MMP26: variants seen among roughly 807,000 people sequenced by gnomAD.
MMP26 encodes the protein matrix metalloproteinase-26.
In MMP26, 33 loss-of-function variants were observed where a neutral mutation model predicts 31.0. The observed-to-expected ratio is 1.06, with a 90% CI of 0.81 to 1.42. MMP26 has a LOEUF of 1.42. MMP26 is among the 40% of genes most tolerant of loss of function. The probability of loss-of-function intolerance (pLI) is 0.00; values close to 1 mark genes in which losing one functional copy is unlikely to be tolerated. For synonymous variants in MMP26, 122 were observed against 114.9 expected, an observed-to-expected ratio of 1.06 and a Z score of -0.40; for missense variants, 347 against 316.1, an observed-to-expected ratio of 1.10 and a Z score of -0.74.
intron 2 of MMP26, among the ~76,000 whole-genome samples, chr11:4,935,385 G>C (rs1237539188): frequency 6.6e-6 from 1 of 151,888 alleles, no homozygotes; most frequent in East Asian, 1.9e-4. Flanking sequence ...TTTGTCTGTT[G>C]TTGATGTATA....
At chr11:4,722,759 C>T in intron 1 of MMP26, 1 of 957,788 alleles carries the variant, frequency 1.0e-6, no homozygotes, top group Admixed American at 1.7e-5. Flanking sequence ...CGTCAGAGGA[C>T]TCGGACACCA....
chr11:4,944,209 G>A (rs548622288), intron 2 of MMP26: 7 of 409,974 alleles, frequency 1.7e-5, no homozygotes, highest in South Asian at 1.3e-4. Context: ...GGATAGGTTT[G>A]TGAAAACATA....
At chr11:4,855,869 A>T (rs532694596) in intron 2 of MMP26, among the ~76,000 whole-genome samples, 1 of 152,344 alleles carries the variant, frequency 6.6e-6, no homozygotes, top group East Asian at 1.9e-4. Context: ...TTAACAGTGG[A>T]TCTCTTGGCA....
chr11:4,774,294 T>C (rs1848763707), intron 2 of MMP26, among the ~76,000 whole-genome samples: 1 of 152,196 alleles, frequency 6.6e-6, no homozygotes, highest in Non-Finnish European at 1.5e-5. Flanking sequence ...AGCTTCTGTT[T>C]CTTGACTTTT....
intron 1 of MMP26, chr11:4,719,608 T>C (rs1847984419): frequency 6.6e-6 from 1 of 152,280 alleles, no homozygotes; most frequent in Non-Finnish European, 1.5e-5. Context: ...TATAGATGAG[T>C]AAAATGCCAT....
intron 2 of MMP26, among the ~76,000 whole-genome samples, chr11:4,970,340 G>T (rs755593650): frequency 7.9e-5 from 12 of 152,028 alleles, no homozygotes; most frequent in Non-Finnish European, 1.8e-4. Context: ...AGAAGCTGTG[G>T]GCTACCTTTT....
chr11:4,832,029 C>A (rs4373916), intron 2 of MMP26: 59,298 of 152,016 alleles, frequency 0.39, 12,940 homozygotes, highest in South Asian at 0.57. Context: ...TTAATTTAAC[C>A]AACAACTGAA....
At chr11:4,817,516 G>C (rs941463530) in intron 2 of MMP26, among the ~76,000 whole-genome samples, 4 of 152,078 alleles carry the variant, frequency 2.6e-5, no homozygotes, top group Admixed American at 2.0e-4. Context: ...GGGCCTGGGA[G>C]GTCAAGGCTG....
At chr11:4,847,604 G>A (rs12361548) in intron 2 of MMP26, 58,711 of 151,938 alleles carry the variant, frequency 0.39, 11,792 homozygotes, top group Middle Eastern at 0.44. Flanking sequence ...TTGTGTTGAG[G>A]ACATTCAATA....
At chr11:4,838,303 C>A (rs1849746918) in intron 2 of MMP26, among the ~76,000 whole-genome samples, 1 of 95,946 alleles carries the variant, frequency 1.0e-5, no homozygotes, top group African/African-American at 3.9e-5. Flanking sequence ...GGGCACAGGG[C>A]AAGACTCTGT....
chr11:4,809,814 G>A (rs527749795), intron 2 of MMP26, among the ~76,000 whole-genome samples: 3 of 152,162 alleles, frequency 2.0e-5, no homozygotes, highest in Non-Finnish European at 4.4e-5. Flanking sequence ...TTAGGCCATT[G>A]CATTGGCCTT....
At chr11:4,823,989 A>G (rs1212123106) in intron 2 of MMP26, among the ~76,000 whole-genome samples, 1 of 152,126 alleles carries the variant, frequency 6.6e-6, no homozygotes, top group Non-Finnish European at 1.5e-5. Context: ...TAGATAACCT[A>G]TATATAAGAG....
chr11:4,732,720 G>A (rs1347360918), intron 1 of MMP26, among the ~76,000 whole-genome samples: 1 of 151,980 alleles, frequency 6.6e-6, no homozygotes, highest in African/African-American at 2.4e-5. Flanking sequence ...ATACAATATT[G>A]GGCATTTGTG....
chr11:4,977,937 G>C (rs1326592189), intron 2 of MMP26, among the ~76,000 whole-genome samples: 2 of 151,482 alleles, frequency 1.3e-5, no homozygotes, highest in Non-Finnish European at 2.9e-5. Context: ...CTTAAATTGA[G>C]GTGTCCAGGT....
intron 2 of MMP26, among the ~76,000 whole-genome samples, chr11:4,953,524 T>G (rs1460926255): frequency 8.0e-6 from 1 of 125,008 alleles, no homozygotes; most frequent in Non-Finnish European, 1.8e-5. Context: ...AAGCTTGGGC[T>G]AGGTAATTTA....
intron 1 of MMP26, among the ~76,000 whole-genome samples, chr11:4,766,858 G>A (rs574170607): frequency 4.0e-5 from 6 of 151,424 alleles, no homozygotes; most frequent in East Asian, 1.9e-4. Flanking sequence ...CTGTGCTATC[G>A]GTTCGGAATA....
intron 2 of MMP26, among the ~76,000 whole-genome samples, chr11:4,800,227 T>C (rs1849163466): frequency 6.6e-6 from 1 of 152,232 alleles, no homozygotes; most frequent in South Asian, 2.1e-4. Flanking sequence ...GCCTAGGCAC[T>C]CAGGCTTTCC....
At chr11:4,916,906 A>G (rs377434720) in intron 2 of MMP26, among the ~76,000 whole-genome samples, 1 of 152,180 alleles carries the variant, frequency 6.6e-6, no homozygotes, top group African/African-American at 2.4e-5. Context: ...AGCCCACTGA[A>G]CACAGGGCAG....
intron 2 of MMP26, among the ~76,000 whole-genome samples, chr11:4,979,301 T>C (rs1010286343): frequency 6.6e-6 from 1 of 152,112 alleles, no homozygotes; most frequent in African/African-American, 2.4e-5. Flanking sequence ...AAACCAATGA[T>C]TGAATAAATC....
Sources: gnomAD v4.1 joint callset for allele counts (sites outside exome capture counted in the v4.1 genomes callset) on GRCh38, gnomAD v4.1.1 for gene constraint, MANE v1.5 for transcripts, NCBI Gene and HGNC (gene_info 2026-07-23, HGNC 2026-07-21) for gene names.